The following PDE5A variants were observed in gnomAD, a reference collection of about 807,000 sequenced individuals.
PDE5A encodes cGMP-specific 3',5'-cyclic phosphodiesterase.
PDE5A carries 67 observed loss-of-function variants against 110.2 expected under a neutral mutation model. That is an observed-to-expected ratio of 0.61 (90% confidence interval 0.50 to 0.75). The LOEUF is 0.75. PDE5A is among the 30% of genes least tolerant of loss of function. The pLI is 0.00. For synonymous variants in PDE5A, 328 were observed against 351.2 expected (o/e 0.93, Z 0.74); for missense variants, 862 against 1,045.1 (o/e 0.82, Z 2.42).
rs1005247277 is a variant in PDE5A, at chr4:119,516,721, G to T, written c.2000+2324C>A. Among the ~76,000 whole-genome samples, 6 of 152,216 alleles carry T rather than the reference G, an allele frequency of 3.9e-5. No individual in the cohort carries two copies. The South Asian group carries it at 1.2e-3, about 32-fold the overall frequency. On this transcript the variant is annotated intron_variant, in intron 14 of 20. Coordinates refer to ENST00000354960, the MANE Select transcript of PDE5A (RefSeq NM_001083.4). ...CAACCTCTGCCTCCTGGGTTCAAGT[G>T]ATTCTCCTGCCTCAGCCTTCCAAGT...
intron 7 of PDE5A, among the ~76,000 whole-genome samples, chr4:119,557,510 G>T (rs1182035811): frequency 6.6e-6 from 1 of 152,092 alleles, no homozygotes; most frequent in African/African-American, 2.4e-5. Flanking sequence ...GGTACGTGGA[G>T]CTTGAAAAGA....
chr4:119,591,640 T>G (rs1578806631), intron 3 of PDE5A, among the ~76,000 whole-genome samples: 1 of 152,248 alleles, frequency 6.6e-6, no homozygotes, highest in African/African-American at 2.4e-5. Context: ...ATATTGCACC[T>G]TGTTAGTGGC....
At chr4:119,586,582 T>A (rs1728774135) in intron 3 of PDE5A, among the ~76,000 whole-genome samples, 1 of 152,206 alleles carries the variant, frequency 6.6e-6, no homozygotes, top group South Asian at 2.1e-4. Context: ...ATGAAAATTA[T>A]TTTATAGTCA....
At chr4:119,506,682 G>C (rs1480503612) in intron 16 of PDE5A, among the ~76,000 whole-genome samples, 1 of 151,622 alleles carries the variant, frequency 6.6e-6, no homozygotes, top group Non-Finnish European at 1.5e-5. Flanking sequence ...TCAAATTCTT[G>C]GTAATTTGAT....
At chr4:119,523,375 C>G (rs1578741625) in intron 12 of PDE5A, among the ~76,000 whole-genome samples, 1 of 152,166 alleles carries the variant, frequency 6.6e-6, no homozygotes, top group African/African-American at 2.4e-5. Flanking sequence ...GAAGATCTTT[C>G]AATATGAAAT....
intron 12 of PDE5A, among the ~76,000 whole-genome samples, chr4:119,523,202 T>C (rs1726192309): frequency 6.6e-6 from 1 of 151,992 alleles, no homozygotes; most frequent in African/African-American, 2.4e-5. Context: ...ACAGACATTA[T>C]TCAGGGAGGA....
rs2110445502 is a variant in PDE5A at position 119,496,679 on chromosome 4, C to A, written c.*1922G>T. ...TTATTAAAGATTGCTATTCTTTATGCAATTTTTCTATACTAAGGATTTATG... is the reference window on the plus strand; with the variant it reads ...TTATTAAAGATTGCTATTCTTTATGAAATTTTTCTATACTAAGGATTTATG... On this transcript the variant is annotated 3_prime_UTR_variant, in exon 21 of 21. Coordinates refer to ENST00000354960, the MANE Select transcript of PDE5A (RefSeq NM_001083.4). 6.6e-6 allele frequency: 1 copy of A among 152,554 alleles called. No homozygotes were observed. Among genetic ancestry groups the A allele is most frequent in the East Asian group, 1.9e-4 (1 of 5,170 alleles). 9.5% of individuals were successfully genotyped at this position (152,554 alleles called of 1,614,324 possible).
chr4:119,514,480 CTT>C (rs34847681), intron 14 of PDE5A, among the ~76,000 whole-genome samples: 44,514 of 146,180 alleles, frequency 0.3, 6,525 homozygotes, highest in East Asian at 0.37. Flanking sequence ...CCCAATCAAC[CTT>C]TTTTTTTTTT....
rs34463475 is a variant in PDE5A, at chr4:119,517,499, C to CT, written c.2000+1545dup. Among the ~76,000 whole-genome samples, 755 of 142,980 alleles carry CT rather than the reference C, an allele frequency of 5.3e-3. 6 individuals carry two copies. The East Asian group carries it at 0.061, about 12-fold the overall frequency. 93.8% of individuals were successfully genotyped at this position (142,980 alleles called of 152,430 possible). On this transcript the variant is annotated intron_variant, in intron 14 of 20. Transcript: ENST00000354960. ...ATAAAAATCTTTGAAACTGCTTTAACTTTTTTTTTTTTTTTAAAGTTGAAG... is the reference window on the plus strand; with the variant it reads ...ATAAAAATCTTTGAAACTGCTTTAACTTTTTTTTTTTTTTTTAAAGTTGAAG...
At chr4:119,540,872 T>C (rs2110485658) in intron 10 of PDE5A, among the ~76,000 whole-genome samples, 1 of 152,280 alleles carries the variant, frequency 6.6e-6, no homozygotes, top group East Asian at 1.9e-4. Context: ...GTTATATCTA[T>C]GATCATAGAA....
chr4:119,542,570 AT>A lies in PDE5A; in HGVS notation c.1460del (p.Asn487MetfsTer57). ...CAAAAGCTTCCAGAAACTGTTCGTC[AT>A]TTCGGTTGAAAGGCTTAACCTTGCC... ...NTGKVKPFNR[N>X]DEQFLEAFVI... On this transcript the variant is annotated frameshift_variant, in exon 10 of 21. Coordinates refer to ENST00000354960, the MANE Select transcript of PDE5A (RefSeq NM_001083.4). LOFTEE classifies it high-confidence loss of function. 1 of 1,614,054 alleles carries A rather than the reference AT, an allele frequency of 6.2e-7. No individual in the cohort carries two copies.
intron 14 of PDE5A, among the ~76,000 whole-genome samples, chr4:119,516,309 C>A (rs1488615159): frequency 6.6e-6 from 1 of 152,222 alleles, no homozygotes; most frequent in Non-Finnish European, 1.5e-5. Flanking sequence ...TGGCAAGAAT[C>A]ACATTTTATA....
rs2110477310 is a variant in PDE5A at position 119,530,076 on chromosome 4, G to T, written c.1633-4381C>A. Among the ~76,000 whole-genome samples, 3 of 152,212 alleles carry T rather than the reference G, an allele frequency of 2.0e-5. No individual in the cohort carries two copies. In the South Asian group the frequency reaches 6.2e-4, roughly 32 times the overall value. On this transcript the variant is annotated intron_variant, in intron 11 of 20. Coordinates refer to ENST00000354960, the MANE Select transcript of PDE5A (RefSeq NM_001083.4). ...GAACTTTGAGAACCACTGCATTAGG[G>T]ATAGGTTATTGGTAGTAAATAGTAG...
At chr4:119,520,032 A>C (rs1474254579) in intron 13 of PDE5A, among the ~76,000 whole-genome samples, 1 of 152,092 alleles carries the variant, frequency 6.6e-6, no homozygotes, top group Non-Finnish European at 1.5e-5. Context: ...CAAAGTCTGA[A>C]AAAAATCTGA....
At position 119,565,088 on chromosome 4, in the gene PDE5A, G is replaced by A. The variant is rs545624962; in HGVS notation, c.993+233C>T. Among the ~76,000 whole-genome samples, 4 of 152,182 alleles carry A rather than the reference G, an allele frequency of 2.6e-5. No individual in the cohort carries two copies. The South Asian group carries it at 6.2e-4, about 24-fold the overall frequency. On this transcript the variant is annotated intron_variant, in intron 5 of 20. Transcript: ENST00000354960. ...TAGGATAAGAGTAATGGCAAGTAAC[G>A]TGTGGTGTAAGTCAAATAAATTCTC...
chr4:119,534,239 C>A (rs1368499784), intron 11 of PDE5A, among the ~76,000 whole-genome samples: 18 of 152,136 alleles, frequency 1.2e-4, no homozygotes, highest in East Asian at 1.9e-4. Flanking sequence ...GGCTTCCCAA[C>A]CACTGAGTTG....
At chr4:119,498,792 C>G in intron 20 of PDE5A, 54 bp from the exon 21 acceptor site, 1 of 1,597,940 alleles carries the variant, frequency 6.3e-7, no homozygotes. Flanking sequence ...AATAAGTCCT[C>G]TCCCACAGGC....
In PDE5A at chr4:119,628,756, C is replaced by T; in HGVS notation, c.-85G>A. The T allele has an allele frequency of 1.3e-6, 2 of 1,540,024 alleles. No homozygotes were observed. The highest frequency in any genetic ancestry group is 1.8e-6 in the Non-Finnish European group (2 of 1,140,512). On this transcript the variant is annotated 5_prime_UTR_variant, in exon 1 of 21. Transcript: ENST00000354960. Reference sequence around the variant, plus strand: ...CGTCCCTCAGAAGAACAGGACTCGGCCTCGAGACCCTCCCCCTTCGTCCTG... The same window carrying T: ...CGTCCCTCAGAAGAACAGGACTCGGTCTCGAGACCCTCCCCCTTCGTCCTG...
rs1050797129 is a variant in PDE5A at position 119,495,555 on chromosome 4, A to C, written c.*3046T>G. 1.3e-5 allele frequency: 2 copies of C among 152,602 alleles called. 1 individual carries two copies. Among genetic ancestry groups the C allele is most frequent in the Admixed American group, 1.3e-4 (2 of 15,256 alleles). The allele number at this position is 152,602 out of a possible 1,614,324, so 9.5% of individuals were successfully genotyped here. ...GGAACAGGTCTAATATTTATTTGCT[A>C]TGCTGAAAATAAAGGCACTTCACTG... On this transcript the variant is annotated 3_prime_UTR_variant, in exon 21 of 21. Coordinates refer to ENST00000354960, the MANE Select transcript of PDE5A (RefSeq NM_001083.4).
Sources: allele counts gnomAD v4.1 joint callset (sites outside exome capture counted in the v4.1 genomes callset), GRCh38; gene constraint gnomAD v4.1.1; transcripts MANE v1.5; gene names NCBI Gene and HGNC (gene_info 2026-07-23, HGNC 2026-07-21).